AP3M1: variants seen among roughly 807,000 people sequenced by gnomAD.
The protein encoded by AP3M1 is AP-3 complex subunit mu-1.
Under a neutral mutation model 42.6 loss-of-function variants are expected in AP3M1, and 29 were observed. The ratio of observed to expected loss-of-function variants is 0.68; its 90% CI spans 0.51 to 0.93. AP3M1 has a LOEUF of 0.93. Among genes scored for constraint, AP3M1 ranks in the 40% least tolerant of loss-of-function variants. AP3M1 has a pLI of 0.00. For synonymous variants in AP3M1, 178 were observed against 175.3 expected, an observed-to-expected ratio of 1.02 and a Z score of -0.12; for missense variants, 416 against 510.2, an observed-to-expected ratio of 0.82 and a Z score of 1.78.
chr10:74,126,409 G>A (rs1287147113), intron 6 of AP3M1, 54 bp from the exon 7 acceptor site: 2 of 1,451,818 alleles, frequency 1.4e-6, no homozygotes, highest in African/African-American at 2.8e-5. Flanking sequence ...TAATGGTGTG[G>A]GGAGAGCTCC....
chr10:74,150,645 C>T (rs1841537776), intron 1 of AP3M1, 110 bp downstream of exon 1: 1 of 153,088 alleles, frequency 6.5e-6, no homozygotes, highest in Non-Finnish European at 1.5e-5. Flanking sequence ...GCCAACAGCA[C>T]CAAAGACGCT....
chr10:74,124,037 T>G, intron 8 of AP3M1, 127 bp from the exon 9 acceptor site: 1 of 848,204 alleles, frequency 1.2e-6, no homozygotes, highest in Non-Finnish European at 1.9e-6. Flanking sequence ...GAAATGTCTC[T>G]TCTATCATTT....
In AP3M1 at chr10:74,129,957, C is replaced by CA; in HGVS notation, c.618dup (p.Asp207Ter). 1 of 1,613,062 alleles carries CA rather than the reference C, an allele frequency of 6.2e-7. No homozygotes were observed. Among genetic ancestry groups the CA allele is most frequent in the Non-Finnish European group, 8.5e-7 (1 of 1,179,692 alleles). Reference sequence around the variant, plus strand: ...ATTCCAGATAGTTTAATGCAAGCATCAATGACCCCCTGAATTTCTGCAAAG... The same window carrying CA: ...ATTCCAGATAGTTTAATGCAAGCATCAAATGACCCCCTGAATTTCTGCAAAG... On this transcript the variant is annotated frameshift_variant, in exon 5 of 9. Coordinates refer to ENST00000355264, the MANE Select transcript of AP3M1 (RefSeq NM_012095.6). LOFTEE classifies it high-confidence loss of function.
In AP3M1 at chr10:74,124,450, A is replaced by G. The variant is rs768614565; in HGVS notation, c.1086T>C (p.Ser362=). The G allele has an allele frequency of 1.2e-6, 2 of 1,613,902 alleles. No homozygotes were observed. Among genetic ancestry groups the G allele is most frequent in the African/African-American group, 1.3e-5 (1 of 75,058 alleles). The change falls in exon 8 of 9, where the codon TCT becomes TCC. Residue 362 remains serine (S), a synonymous_variant. Coordinates refer to ENST00000355264, the MANE Select transcript of AP3M1 (RefSeq NM_012095.6). ...PSLKGLVNLQ[S]GAPKPEENPS... ...GATTCTCTTCTGGTTTGGGGGCTCC[A>G]GACTGTAAATTTACCAGTCCTTTAA...
chr10:74,134,120 T>C lies in AP3M1; in HGVS notation c.490A>G (p.Asn164Asp), dbSNP rs191165214. The C allele has an allele frequency of 6.2e-7, 1 of 1,614,234 alleles. No homozygotes were observed. The highest frequency in any genetic ancestry group is 1.7e-5 in the Admixed American group (1 of 60,026). Residue 164 changes from asparagine (N) to aspartate (D), a missense_variant, in exon 4 of 9, where the codon AAC (asparagine) becomes GAC (aspartate). By Grantham distance (23) the Asn-to-Asp change is conservative. Coordinates refer to ENST00000355264, the MANE Select transcript of AP3M1 (RefSeq NM_012095.6). ...GDTLPTGQLSNIPWRRAGVKY... is the reference protein window; with the variant it reads ...GDTLPTGQLSDIPWRRAGVKY... ...ACCCCTGCCCGACGCCATGGTATGT[T>C]GGACAGCTGCCCGGTGGGGAGTGTG...
At chr10:74,143,177 C>T (rs554822981) in intron 1 of AP3M1, among the ~76,000 whole-genome samples, 23 of 152,298 alleles carry the variant, frequency 1.5e-4, no homozygotes, top group African/African-American at 4.6e-4. Flanking sequence ...ATGGCAAAAC[C>T]CTGTCTCTAC....
In AP3M1 at chr10:74,136,874, T is replaced by G. The variant is rs903113974; in HGVS notation, c.274-71A>C. 5 of 1,092,618 alleles carry G rather than the reference T, an allele frequency of 4.6e-6. No individual in the cohort carries two copies. The Admixed American group carries it at 1.4e-4, about 31-fold the overall frequency. 67.7% of individuals were successfully genotyped at this position (1,092,618 alleles called of 1,614,324 possible). ...AAGGCCTGCTAAATACTTTTTGTTC[T>G]GAAGAATAAACTTAGAGTAGCATAA... On this transcript the variant is annotated intron_variant, in intron 2 of 8. Transcript: ENST00000355264.
chr10:74,149,088 G>T (rs549450358), intron 1 of AP3M1, among the ~76,000 whole-genome samples: 2 of 151,284 alleles, frequency 1.3e-5, no homozygotes, highest in African/African-American at 4.9e-5. Flanking sequence ...TGCCAGGATG[G>T]TCTCGATCTC....
At chr10:74,146,725 T>G (rs1841339952) in intron 1 of AP3M1, among the ~76,000 whole-genome samples, 1 of 152,188 alleles carries the variant, frequency 6.6e-6, no homozygotes, top group African/African-American at 2.4e-5. Context: ...TCAGGATTTT[T>G]TGTTAATGGG....
In AP3M1 at chr10:74,138,228, G is replaced by C. The variant is rs147004221; in HGVS notation, c.152C>G (p.Thr51Arg). Residue 51 changes from threonine to arginine, a missense_variant, in exon 2 of 9, where the codon ACA becomes AGA. Thr to Arg is a moderately conservative substitution (Grantham distance 71). Coordinates refer to ENST00000355264, the MANE Select transcript of AP3M1 (RefSeq NM_012095.6). ...DVENVPPVIS[T>R]PHHYLISIYR... Reference sequence around the variant, plus strand: ...GATACTGATGAGGTAGTGGTGAGGTGTTGAAATGACAGGTGGTACATTTTC... The same window carrying C: ...GATACTGATGAGGTAGTGGTGAGGTCTTGAAATGACAGGTGGTACATTTTC... 1.2e-6 allele frequency: 2 copies of C among 1,614,154 alleles called. No individual in the cohort carries two copies. The highest frequency in any genetic ancestry group is 1.7e-6 in the Non-Finnish European group (2 of 1,180,012).
intron 1 of AP3M1, among the ~76,000 whole-genome samples, chr10:74,144,744 C>A (rs1050754327): frequency 6.6e-6 from 1 of 151,614 alleles, no homozygotes; most frequent in African/African-American, 2.4e-5. Flanking sequence ...CTTACCACAA[C>A]CTCCGCCTGC....
chr10:74,130,101 T>G, intron 4 of AP3M1, 109 bp from the exon 5 acceptor site: 2 of 807,318 alleles, frequency 2.5e-6, no homozygotes, highest in Non-Finnish European at 4.0e-6. Flanking sequence ...GACAGAGTCT[T>G]GCTCTGTTGC....
At position 74,129,125 on chromosome 10, in the gene AP3M1, G is replaced by A; in HGVS notation, c.786C>T (p.Tyr262=). 1 of 1,614,068 alleles carries A rather than the reference G, an allele frequency of 6.2e-7. No homozygotes were observed. The highest frequency in any genetic ancestry group is 8.5e-7 in the Non-Finnish European group (1 of 1,179,982). Residue 262 remains tyrosine (Y), a synonymous_variant, in exon 6 of 9, where the codon TAC becomes TAT. Coordinates refer to ENST00000355264, the MANE Select transcript of AP3M1 (RefSeq NM_012095.6). The part of the protein sequence containing the change: ...PPDGNFRLIS[Y]RVSSQNLVAI... The stretch of plus-strand genomic sequence containing the variant: ...CAACATACTTTTGTGAGCTGACACG[G>A]TATGATATGAGTCGGAAATTTCCAT...
intron 6 of AP3M1, among the ~76,000 whole-genome samples, chr10:74,127,123 G>A (rs1443840384): frequency 6.6e-6 from 1 of 151,934 alleles, no homozygotes; most frequent in African/African-American, 2.4e-5. Context: ...TATACAGGAG[G>A]ATGTGCATAG....
At position 74,122,977 on chromosome 10, in the gene AP3M1, A is replaced by T. The variant is rs1487246613; in HGVS notation, c.*833T>A. On this transcript the variant is annotated 3_prime_UTR_variant, in exon 9 of 9. Transcript: ENST00000355264. ...CTTAAGTTTTTCTTTTACTACTTTA[A>T]TTTGCTTAAAAGCACAAATGCTTGT... The T allele has an allele frequency of 6.6e-6, 1 of 152,568 alleles. No individual in the cohort carries two copies. The highest frequency in any genetic ancestry group is 1.5e-5 in the Non-Finnish European group (1 of 68,028). 9.5% of individuals were successfully genotyped at this position (152,568 alleles called of 1,614,324 possible).
intron 4 of AP3M1, among the ~76,000 whole-genome samples, chr10:74,130,413 G>C (rs1434150881): frequency 6.6e-6 from 1 of 151,888 alleles, no homozygotes; most frequent in Admixed American, 6.6e-5. Flanking sequence ...CTGGTCCCCA[G>C]AGTAACTGAG....
Position 74,137,239 on chromosome 10 carries a change from CAAACAAAACAAAACA to C in AP3M1, c.274-451_274-437del, listed in dbSNP as rs374186440. On this transcript the variant is annotated intron_variant, in intron 2 of 8. Transcript: ENST00000355264. The stretch of plus-strand genomic sequence containing the variant: ...TAGGGAACAGAGTGAGACTCCGTCT[CAAACAAAACAAAACA>C]AAACAAAACAAAACAAGCAAACAAA... Among the ~76,000 whole-genome samples the C allele has an allele frequency of 3.6e-4, 54 of 151,270 alleles. 1 individual carries two copies. The Middle Eastern group carries it at 0.01, about 29-fold the overall frequency.
rs1438841373 is a variant in AP3M1 at position 74,134,172 on chromosome 10, C to T, written c.446-8G>A. ...CCCCAACATTACTACTGCCTAGAAA[C>T]CAAAAAAGGAGAAGGCAAAGCTGAT... On this transcript the variant is annotated splice_region_variant and splice_polypyrimidine_tract_variant and intron_variant, in intron 3 of 8. Transcript: ENST00000355264. 2 of 1,603,772 alleles carry T rather than the reference C, an allele frequency of 1.2e-6. No individual in the cohort carries two copies. The highest frequency in any genetic ancestry group is 1.1e-5 in the South Asian group (1 of 89,048).
intron 4 of AP3M1, among the ~76,000 whole-genome samples, chr10:74,130,258 T>C (rs531861729): frequency 2.6e-5 from 4 of 151,984 alleles, no homozygotes; most frequent in East Asian, 3.9e-4. Context: ...TCTAGAACAA[T>C]AGAGATACCC....
Sources: allele counts gnomAD v4.1 joint callset (sites outside exome capture counted in the v4.1 genomes callset), GRCh38; gene constraint gnomAD v4.1.1; transcripts MANE v1.5; gene names NCBI Gene and HGNC (gene_info 2026-07-23, HGNC 2026-07-21).